BTBD8: variants seen among roughly 807,000 people sequenced by gnomAD.
BTBD8 encodes the protein BTB/POZ domain-containing protein 8.
BTBD8 carries 110 observed loss-of-function variants against 162.9 expected under a neutral mutation model. The ratio of observed to expected loss-of-function variants is 0.68; its 90% CI spans 0.58 to 0.79. The LOEUF is 0.79. Among genes scored for constraint, BTBD8 ranks in the 30% least tolerant of loss-of-function variants. The pLI is 0.00. For missense variants in BTBD8, 1,905 were observed against 2,085.4 expected, an observed-to-expected ratio of 0.91 and a Z score of 1.68; for synonymous variants, 667 against 716.1, an observed-to-expected ratio of 0.93 and a Z score of 1.10.
intron 5 of BTBD8, among the ~76,000 whole-genome samples, chr1:92,137,362 A>T (rs757336622): frequency 2.0e-5 from 3 of 152,192 alleles, no homozygotes; most frequent in Non-Finnish European, 2.9e-5. Flanking sequence ...GTATGAGAGG[A>T]TACGGTCATA....
intron 4 of BTBD8, among the ~76,000 whole-genome samples, chr1:92,127,824 G>A (rs1235457398): frequency 6.6e-6 from 1 of 152,174 alleles, no homozygotes; most frequent in African/African-American, 2.4e-5. Context: ...GCCTCCCAAA[G>A]TGTTGGGATT....
chr1:92,154,370 A>G (rs768613599), intron 9 of BTBD8, among the ~76,000 whole-genome samples: 10 of 152,198 alleles, frequency 6.6e-5, no homozygotes, highest in African/African-American at 2.4e-5. Flanking sequence ...ACTGTTCTAC[A>G]TAGCAGCTGC....
chr1:92,162,583 A>G (rs1650294674), intron 9 of BTBD8, among the ~76,000 whole-genome samples: 1 of 152,232 alleles, frequency 6.6e-6, no homozygotes, highest in African/African-American at 2.4e-5. Flanking sequence ...CAGTAAGTCA[A>G]GGGAGGATAC....
At position 92,169,720 on chromosome 1, in the gene BTBD8, T is replaced by C. The variant is rs578125191; in HGVS notation, c.1573+725T>C. 2.0e-5 allele frequency among the ~76,000 whole-genome samples: 3 copies of C among 152,352 alleles called. No individual in the cohort carries two copies. In the South Asian group the frequency reaches 6.2e-4, roughly 32 times the overall value. On this transcript the variant is annotated intron_variant, in intron 12 of 17. Coordinates refer to ENST00000636805, the MANE Select transcript of BTBD8 (RefSeq NM_001376131.1). ...AAACATTTTAAGAGACTGAATTTTA[T>C]GAAGCAAACATTTTAGTACTGTAAA...
intron 1 of BTBD8, among the ~76,000 whole-genome samples, chr1:92,085,744 A>G (rs1287269795): frequency 6.6e-6 from 1 of 152,012 alleles, no homozygotes; most frequent in Non-Finnish European, 1.5e-5. Context: ...ATAATAATTT[A>G]CAGGCTAGGC....
intron 2 of BTBD8, among the ~76,000 whole-genome samples, chr1:92,099,322 G>A (rs1366537400): frequency 1.3e-5 from 2 of 151,886 alleles, no homozygotes; most frequent in Admixed American, 1.3e-4. Flanking sequence ...AAATTGAGAA[G>A]TGTGAATCCA....
chr1:92,139,697 C>A, intron 6 of BTBD8: 2 of 494,812 alleles, frequency 4.0e-6, no homozygotes, highest in Non-Finnish European at 5.5e-6. Context: ...GTTTATAGAT[C>A]AATAAATTGA....
chr1:92,098,581 T>G (rs1013933936), intron 2 of BTBD8, among the ~76,000 whole-genome samples: 1 of 149,980 alleles, frequency 6.7e-6, no homozygotes, highest in African/African-American at 2.4e-5. Context: ...ATGTTATCTG[T>G]TTTTTTTTAA....
chr1:92,119,510 G>A (rs368262620), intron 4 of BTBD8, among the ~76,000 whole-genome samples: 16 of 151,812 alleles, frequency 1.1e-4, no homozygotes, highest in African/African-American at 3.9e-4. Flanking sequence ...AGTTTCACAC[G>A]CCTGGGCTCA....
intron 3 of BTBD8, among the ~76,000 whole-genome samples, chr1:92,107,649 G>A (rs1345452740): frequency 6.6e-6 from 1 of 152,132 alleles, no homozygotes; most frequent in Admixed American, 6.5e-5. Flanking sequence ...AGGGATGCAT[G>A]ACTGTTATTA....
At chr1:92,171,532 T>A in intron 13 of BTBD8, 72 bp downstream of exon 13, 2 of 1,005,848 alleles carry the variant, frequency 2.0e-6, no homozygotes, top group Non-Finnish European at 2.7e-6. Context: ...ATTTTATATT[T>A]CAGAAAAAGT....
In BTBD8 at chr1:92,182,260, A is replaced by G. The variant is rs1469027858; in HGVS notation, c.4577A>G (p.Asn1526Ser). The G allele has an allele frequency of 6.4e-7, 1 of 1,551,292 alleles. No homozygotes were observed. Residue 1526 changes from asparagine (N) to serine (S), a missense_variant, in exon 17 of 18, where the codon AAT becomes AGT. By Grantham distance (46) the Asn-to-Ser change is conservative. This residue lies in a region of BTBD8 where 517 missense variants were observed against 606.6 expected (regional missense o/e 0.85). Coordinates refer to ENST00000636805, the MANE Select transcript of BTBD8 (RefSeq NM_001376131.1). ...DLSSIDSSRKNKQSVSATEKK... is the reference protein window; with the variant it reads ...DLSSIDSSRKSKQSVSATEKK... ...AGTAGCATTGACTCTTCAAGAAAAAATAAACAGAGTGTTTCAGCCACAGAA... is the reference window on the plus strand; with the variant it reads ...AGTAGCATTGACTCTTCAAGAAAAAGTAAACAGAGTGTTTCAGCCACAGAA...
intron 4 of BTBD8, among the ~76,000 whole-genome samples, chr1:92,119,625 C>A (rs1570728837): frequency 7.3e-6 from 1 of 137,438 alleles, no homozygotes; most frequent in African/African-American, 2.6e-5. Context: ...CTTTTCTTTT[C>A]TTTTTTCTTT....
intron 12 of BTBD8, among the ~76,000 whole-genome samples, chr1:92,171,059 T>C (rs1570756137): frequency 6.6e-6 from 1 of 152,178 alleles, no homozygotes; most frequent in African/African-American, 2.4e-5. Flanking sequence ...TTTTGTAATT[T>C]GGAGAACTAA....
At chr1:92,169,326 G>A (rs555912194) in intron 12 of BTBD8, among the ~76,000 whole-genome samples, 35 of 152,104 alleles carry the variant, frequency 2.3e-4, no homozygotes, top group Non-Finnish European at 4.6e-4. Flanking sequence ...ACAGAGTATC[G>A]AACATACTTT....
intron 3 of BTBD8, among the ~76,000 whole-genome samples, chr1:92,104,706 C>T (rs1024190744): frequency 1.3e-5 from 2 of 152,140 alleles, no homozygotes; most frequent in Admixed American, 6.6e-5. Context: ...CATTTTTTTG[C>T]CTACATCTTA....
intron 4 of BTBD8, among the ~76,000 whole-genome samples, chr1:92,119,740 C>A (rs953801299): frequency 6.6e-6 from 1 of 151,268 alleles, no homozygotes; most frequent in Non-Finnish European, 1.5e-5. Context: ...CGTTCTCCTG[C>A]CTCAGCATCC....
intron 4 of BTBD8, among the ~76,000 whole-genome samples, chr1:92,116,599 G>A (rs547849445): frequency 2.6e-5 from 4 of 152,116 alleles, no homozygotes; most frequent in African/African-American, 9.7e-5. Flanking sequence ...CCCAGGTAAT[G>A]TCACTTGTTG....
chr1:92,117,364 T>A (rs1043270079), intron 4 of BTBD8, among the ~76,000 whole-genome samples: 7 of 151,886 alleles, frequency 4.6e-5, no homozygotes, highest in South Asian at 2.1e-4. Flanking sequence ...GTTTTTTTTT[T>A]AGCAGGCATT....
Sources: allele counts gnomAD v4.1 joint callset (sites outside exome capture counted in the v4.1 genomes callset), GRCh38; gene constraint gnomAD v4.1.1; regional missense constraint gnomAD v4.1.1; transcripts MANE v1.5; gene names NCBI Gene and HGNC (gene_info 2026-07-23, HGNC 2026-07-21).